ACSS3: variants seen among roughly 807,000 people sequenced by gnomAD.
The protein encoded by ACSS3 is acyl-CoA synthetase short chain family member 3, also known as acyl-CoA synthetase short-chain family member 3, mitochondrial.
In ACSS3, 64 loss-of-function variants were observed where a neutral mutation model predicts 84.2. The ratio of observed to expected loss-of-function variants is 0.76; its 90% CI spans 0.62 to 0.94. The LOEUF is 0.94. Ranked by LOEUF, ACSS3 falls within the 40% of genes least tolerant of loss-of-function variation. ACSS3 has a pLI of 0.00. For missense variants in ACSS3, 815 were observed against 867.6 expected, an observed-to-expected ratio of 0.94 and a Z score of 0.76; for synonymous variants, 317 against 310.1, an observed-to-expected ratio of 1.02 and a Z score of -0.23.
At chr12:81,157,061 G>A (rs1886912928) in intron 7 of ACSS3, among the ~76,000 whole-genome samples, 1 of 151,994 alleles carries the variant, frequency 6.6e-6, no homozygotes, top group African/African-American at 2.4e-5. Context: ...ACAAACTAAT[G>A]TCCTTCATAA....
intron 8 of ACSS3, among the ~76,000 whole-genome samples, chr12:81,178,483 A>C (rs1200794859): frequency 2.0e-5 from 3 of 151,796 alleles, no homozygotes; most frequent in African/African-American, 7.3e-5. Context: ...AATAAAAAAA[A>C]ACATTTCTAT....
intron 9 of ACSS3, 58 bp from the exon 10 acceptor site, chr12:81,216,843 A>G: frequency 6.8e-7 from 1 of 1,475,160 alleles, no homozygotes; most frequent in Non-Finnish European, 9.4e-7. Flanking sequence ...CATGTACTCA[A>G]GAAACATTAT....
At chr12:81,085,085 G>C (rs2121289930) in intron 1 of ACSS3, among the ~76,000 whole-genome samples, 1 of 152,280 alleles carries the variant, frequency 6.6e-6, no homozygotes, top group East Asian at 1.9e-4. Flanking sequence ...AAATGCAGAA[G>C]TGAAGAAATT....
At chr12:81,154,699 C>A (rs893683043) in intron 7 of ACSS3, among the ~76,000 whole-genome samples, 1 of 152,210 alleles carries the variant, frequency 6.6e-6, no homozygotes, top group Non-Finnish European at 1.5e-5. Context: ...ATAGAAGCTG[C>A]TGCAGCAGGG....
chr12:81,167,453 C>A (rs1444087142), intron 7 of ACSS3, among the ~76,000 whole-genome samples: 1 of 152,046 alleles, frequency 6.6e-6, no homozygotes, highest in Non-Finnish European at 1.5e-5. Flanking sequence ...ATATATAGAA[C>A]AGAAATATAT....
At chr12:81,196,028 C>T (rs946128222) in intron 8 of ACSS3, among the ~76,000 whole-genome samples, 2 of 152,110 alleles carry the variant, frequency 1.3e-5, no homozygotes, top group African/African-American at 4.8e-5. Flanking sequence ...GTTGAGATAA[C>T]AGTTTACTTA....
At chr12:81,180,844 G>T (rs1291893716) in intron 8 of ACSS3, among the ~76,000 whole-genome samples, 1 of 152,080 alleles carries the variant, frequency 6.6e-6, no homozygotes, top group Non-Finnish European at 1.5e-5. Flanking sequence ...TTAATCTGAT[G>T]CATAATCAAA....
chr12:81,208,822 A>G (rs2032460587), intron 9 of ACSS3, among the ~76,000 whole-genome samples: 1 of 152,098 alleles, frequency 6.6e-6, no homozygotes, highest in Non-Finnish European at 1.5e-5. Context: ...AATAACTCAC[A>G]GTCCTTTGGT....
intron 7 of ACSS3, among the ~76,000 whole-genome samples, chr12:81,170,429 G>T (rs962377567): frequency 5.3e-5 from 8 of 152,078 alleles, no homozygotes; most frequent in Admixed American, 3.3e-4. Context: ...ATTAGCAATT[G>T]ATGTTTTATA....
chr12:81,163,965 A>G (rs1037023208), intron 7 of ACSS3, among the ~76,000 whole-genome samples: 1 of 152,208 alleles, frequency 6.6e-6, no homozygotes, highest in Non-Finnish European at 1.5e-5. Context: ...TTATTGGAGA[A>G]ATAAAACTAC....
At chr12:81,250,636 G>A (rs948917073) in intron 13 of ACSS3, among the ~76,000 whole-genome samples, 4 of 151,980 alleles carry the variant, frequency 2.6e-5, no homozygotes, top group Non-Finnish European at 4.4e-5. Context: ...TAGTCATATT[G>A]GTTAGGTGAC....
intron 7 of ACSS3, among the ~76,000 whole-genome samples, chr12:81,167,185 A>G (rs959208715): frequency 6.6e-6 from 1 of 152,212 alleles, no homozygotes. Context: ...TAATACTTCC[A>G]AAGGTAAACT....
rs1055319383 is a variant in ACSS3 at position 81,199,604 on chromosome 12, G to A, written c.1354+160G>A. ...AAATAAGCAATTTTTTTATTGTTGT[G>A]TTATTAATAATGTCTTCATAAGTGA... On this transcript the variant is annotated intron_variant, in intron 9 of 15. Coordinates refer to ENST00000548058, the MANE Select transcript of ACSS3 (RefSeq NM_024560.4). The A allele has an allele frequency of 8.7e-6, 13 of 1,489,774 alleles. No homozygotes were observed. In the Admixed American group the frequency reaches 1.2e-4, roughly 14 times the overall value. 92.3% of individuals were successfully genotyped at this position (1,489,774 alleles called of 1,614,324 possible).
At chr12:81,121,899 T>C (rs1884636246) in intron 2 of ACSS3, among the ~76,000 whole-genome samples, 1 of 148,354 alleles carries the variant, frequency 6.7e-6, no homozygotes, top group African/African-American at 2.5e-5. Flanking sequence ...AGTGCTCAGA[T>C]AATCCAGAGT....
At chr12:81,100,374 C>A (rs1882414718) in intron 1 of ACSS3, among the ~76,000 whole-genome samples, 1 of 151,978 alleles carries the variant, frequency 6.6e-6, no homozygotes, top group South Asian at 2.1e-4. Flanking sequence ...TTACAGATCG[C>A]TTTGGGGAGG....
rs977727278 is a variant in ACSS3 at position 81,182,648 on chromosome 12, A to G, written c.1250+7709A>G. ...AAAATCTAGAGATTTTGTATGCAAC[A>G]GAAGTTGAGTTTTTATCAGCTTAAA... On this transcript the variant is annotated intron_variant, in intron 8 of 15. Coordinates refer to ENST00000548058, the MANE Select transcript of ACSS3 (RefSeq NM_024560.4). Among the ~76,000 whole-genome samples, 3 of 152,352 alleles carry G rather than the reference A, an allele frequency of 2.0e-5. No individual in the cohort carries two copies. The South Asian group carries it at 6.2e-4, about 32-fold the overall frequency.
intron 1 of ACSS3, among the ~76,000 whole-genome samples, chr12:81,089,108 A>G (rs1317900078): frequency 6.6e-6 from 1 of 151,924 alleles, no homozygotes; most frequent in Non-Finnish European, 1.5e-5. Context: ...TTCATTGCTT[A>G]TAGTATGCTT....
intron 5 of ACSS3, 78 bp from the exon 6 acceptor site, chr12:81,151,766 T>C (rs1886619870): frequency 7.6e-7 from 1 of 1,307,918 alleles, no homozygotes; most frequent in South Asian, 1.4e-5. Context: ...CCAGGAACTT[T>C]TAAAGTGGAT....
chr12:81,132,978 A>G (rs1238850152), intron 2 of ACSS3, among the ~76,000 whole-genome samples: 1 of 152,210 alleles, frequency 6.6e-6, no homozygotes, highest in South Asian at 2.1e-4. Context: ...TTTGAGTTCC[A>G]TATATAATTC....
Sources: gnomAD v4.1 joint callset for allele counts (sites outside exome capture counted in the v4.1 genomes callset) on GRCh38, gnomAD v4.1.1 for gene constraint, MANE v1.5 for transcripts, NCBI Gene and HGNC (gene_info 2026-07-23, HGNC 2026-07-21) for gene names.